The following SNTB1 variants were observed in gnomAD, a reference collection of about 807,000 sequenced individuals.
The protein encoded by SNTB1 is beta-1-syntrophin.
A neutral mutation model predicts 48.9 loss-of-function variants in SNTB1; 36 were observed. The observed-to-expected ratio is 0.74, with a 90% CI of 0.56 to 0.97. The LOEUF (loss-of-function observed/expected upper bound fraction) is 0.97. Ranked by LOEUF, SNTB1 falls within the 50% of genes least tolerant of loss-of-function variation. The pLI, the probability that SNTB1 is intolerant of heterozygous loss-of-function variation, is 0.00. For synonymous variants in SNTB1, 299 were observed against 294.6 expected (o/e 1.01, Z -0.15); for missense variants, 786 against 703.4 (o/e 1.12, Z -1.33).
intron 1 of SNTB1, among the ~76,000 whole-genome samples, chr8:120,740,520 A>G (rs533417334): frequency 6.6e-6 from 1 of 152,316 alleles, no homozygotes; most frequent in East Asian, 1.9e-4. Flanking sequence ...ACAGCAAACA[A>G]TCAACACAAC....
intron 1 of SNTB1, among the ~76,000 whole-genome samples, chr8:120,741,360 A>C (rs576355646): frequency 8.5e-5 from 13 of 152,260 alleles, no homozygotes; most frequent in African/African-American, 2.6e-4. Context: ...TGTAATCCCA[A>C]CACTTTGGGA....
At chr8:120,560,310 C>T (rs1815630874) in intron 4 of SNTB1, among the ~76,000 whole-genome samples, 1 of 152,158 alleles carries the variant, frequency 6.6e-6, no homozygotes, top group South Asian at 2.1e-4. Flanking sequence ...TGGCGAAACC[C>T]TGTCTCTACT....
intron 3 of SNTB1, among the ~76,000 whole-genome samples, chr8:120,625,025 C>G (rs1470565708): frequency 6.6e-6 from 1 of 152,226 alleles, no homozygotes; most frequent in Admixed American, 6.5e-5. Context: ...GTGCCTGAGG[C>G]AGCCCTGCTG....
chr8:120,799,682 G>A (rs1471335926), intron 1 of SNTB1, among the ~76,000 whole-genome samples: 1 of 151,966 alleles, frequency 6.6e-6, no homozygotes, highest in Non-Finnish European at 1.5e-5. Flanking sequence ...CAGTTAATAG[G>A]ATTTCCGCAT....
intron 1 of SNTB1, among the ~76,000 whole-genome samples, chr8:120,778,283 A>G (rs1819771464): frequency 6.6e-6 from 1 of 152,228 alleles, no homozygotes; most frequent in Non-Finnish European, 1.5e-5. Context: ...CTAAGCAGCT[A>G]AAAACTTACA....
intron 4 of SNTB1, among the ~76,000 whole-genome samples, chr8:120,569,396 G>C (rs999461717): frequency 4.6e-5 from 7 of 152,206 alleles, no homozygotes; most frequent in Admixed American, 2.0e-4. Context: ...TCTCAGTTCA[G>C]ACCTGGCACC....
intron 1 of SNTB1, among the ~76,000 whole-genome samples, chr8:120,714,758 C>T (rs116275782): frequency 0.017 from 2,516 of 152,214 alleles, 72 homozygotes; most frequent in African/African-American, 0.057. Flanking sequence ...TAAAATATCA[C>T]GGCGGAAGGT....
In SNTB1 at chr8:120,811,483, C is replaced by G. The variant is rs771736255; in HGVS notation, c.361G>C (p.Gly121Arg). The change falls in exon 1 of 7, where the codon GGC becomes CGC. Residue 121 changes from glycine (G) to arginine (R), a missense_variant. By Grantham distance (125) the Gly-to-Arg change is moderately radical (BLOSUM62 -2). Coordinates refer to ENST00000517992, the MANE Select transcript of SNTB1 (RefSeq NM_021021.4). ...CCCTTGATGCTGATCCCCAGCCCGC[C>G]CAGCTCCTGCTTCAGCACCTTCACG... ...RGVKVLKQELGGLGISIKGGK... is the reference protein window; with the variant it reads ...RGVKVLKQELRGLGISIKGGK... The G allele has an allele frequency of 6.2e-7, 1 of 1,613,982 alleles. No individual in the cohort carries two copies. The highest frequency in any genetic ancestry group is 1.1e-5 in the South Asian group (1 of 91,080).
intron 4 of SNTB1, among the ~76,000 whole-genome samples, chr8:120,563,374 G>A (rs1169877803): frequency 1.3e-5 from 2 of 151,746 alleles, no homozygotes; most frequent in Admixed American, 6.6e-5. Context: ...AAAAGCTGAG[G>A]AATGAGAATT....
At chr8:120,731,343 A>G (rs993208207) in intron 1 of SNTB1, among the ~76,000 whole-genome samples, 1 of 152,214 alleles carries the variant, frequency 6.6e-6, no homozygotes, top group Non-Finnish European at 1.5e-5. Context: ...GTATACAACC[A>G]CAATATACAG....
intron 2 of SNTB1, among the ~76,000 whole-genome samples, chr8:120,669,918 G>T (rs1244832967): frequency 6.6e-6 from 1 of 152,192 alleles, no homozygotes; most frequent in Non-Finnish European, 1.5e-5. Flanking sequence ...GCTAGAAAAC[G>T]ACAAGACATC....
intron 2 of SNTB1, among the ~76,000 whole-genome samples, chr8:120,685,373 C>A (rs1410574157): frequency 6.6e-6 from 1 of 152,214 alleles, no homozygotes; most frequent in Non-Finnish European, 1.5e-5. Flanking sequence ...ATAGCCATGT[C>A]CTCACTGCTT....
chr8:120,777,660 G>GGTGA (rs1343288617), intron 1 of SNTB1, among the ~76,000 whole-genome samples: 1 of 152,178 alleles, frequency 6.6e-6, no homozygotes, highest in Non-Finnish European at 1.5e-5. Flanking sequence ...GCAAGCCACA[G>GGTGA]GTGACTGGAA....
At chr8:120,664,989 C>T (rs1409483804) in intron 2 of SNTB1, among the ~76,000 whole-genome samples, 1 of 152,306 alleles carries the variant, frequency 6.6e-6, no homozygotes, top group East Asian at 1.9e-4. Context: ...AGCAGTATCT[C>T]ACTGTGGTTT....
intron 3 of SNTB1, among the ~76,000 whole-genome samples, chr8:120,626,902 C>T (rs1358063035): frequency 6.6e-6 from 1 of 152,160 alleles, no homozygotes; most frequent in African/African-American, 2.4e-5. Flanking sequence ...GCTATCATTC[C>T]ATTTATGTTT....
intron 1 of SNTB1, among the ~76,000 whole-genome samples, chr8:120,743,932 C>T (rs556558660): frequency 1.3e-5 from 2 of 151,942 alleles, no homozygotes; most frequent in African/African-American, 4.8e-5. Context: ...AGTTCAAGAC[C>T]AGCCTGGGTG....
chr8:120,559,439 A>G (rs1815617521), intron 4 of SNTB1, among the ~76,000 whole-genome samples: 1 of 152,202 alleles, frequency 6.6e-6, no homozygotes, highest in South Asian at 2.1e-4. Flanking sequence ...AATTTATAAA[A>G]TGTCTTTAAA....
intron 1 of SNTB1, among the ~76,000 whole-genome samples, chr8:120,707,788 A>G (rs117073740): frequency 6.6e-6 from 1 of 152,332 alleles, no homozygotes; most frequent in Non-Finnish European, 1.5e-5. Flanking sequence ...CCATAATCAC[A>G]GATGTAATAA....
intron 1 of SNTB1, among the ~76,000 whole-genome samples, chr8:120,749,090 T>A (rs1454692215): frequency 6.6e-6 from 1 of 152,208 alleles, no homozygotes; most frequent in Non-Finnish European, 1.5e-5. Flanking sequence ...TAACAGTGGT[T>A]ATAATAATAA....
Sources: allele counts gnomAD v4.1 joint callset (sites outside exome capture counted in the v4.1 genomes callset), GRCh38; gene constraint gnomAD v4.1.1; transcripts MANE v1.5; gene names NCBI Gene and HGNC (gene_info 2026-07-23, HGNC 2026-07-21).